CSMD1: variants seen among roughly 807,000 people sequenced by gnomAD.
The protein encoded by CSMD1 is CUB and sushi domain-containing protein 1.
In CSMD1, 213 loss-of-function variants were observed where a neutral mutation model predicts 417.5. That is an observed-to-expected ratio of 0.51 (90% CI 0.46 to 0.57). The LOEUF is 0.57. Among genes scored for constraint, CSMD1 ranks in the 20% least tolerant of loss-of-function variants. The pLI is 0.00. For missense variants in CSMD1, 6,923 were observed against 4,529.7 expected, an observed-to-expected ratio of 1.53 and a Z score of -15.17; for synonymous variants, 2,862 against 1,736.8, an observed-to-expected ratio of 1.65 and a Z score of -16.11.
intron 1 of CSMD1, among the ~76,000 whole-genome samples, chr8:4,810,941 G>A (rs949318375): frequency 1.3e-5 from 2 of 152,060 alleles, no homozygotes; most frequent in Non-Finnish European, 2.9e-5. Flanking sequence ...TTAAAGAATG[G>A]CATAAAATAG....
chr8:4,799,666 G>A (rs1018580439), intron 1 of CSMD1, among the ~76,000 whole-genome samples: 3 of 143,396 alleles, frequency 2.1e-5, no homozygotes, highest in East Asian at 2.1e-4. Flanking sequence ...CTGAAAAATT[G>A]GGACTTTATT....
At chr8:3,086,954 G>A (rs1814573297) in intron 49 of CSMD1, 143 bp downstream of exon 49, 5 of 756,816 alleles carry the variant, frequency 6.6e-6, no homozygotes, top group Non-Finnish European at 1.1e-5. Context: ...GCCACTAGAA[G>A]GTTTAATTCG....
chr8:3,281,327 C>A (rs550553976), intron 26 of CSMD1, among the ~76,000 whole-genome samples: 5 of 151,946 alleles, frequency 3.3e-5, no homozygotes, highest in Non-Finnish European at 5.9e-5. Flanking sequence ...GCTTGTAATC[C>A]CAGCTACTCG....
intron 2 of CSMD1, among the ~76,000 whole-genome samples, chr8:4,427,267 T>A (rs1797613220): frequency 6.6e-6 from 1 of 152,154 alleles, no homozygotes; most frequent in South Asian, 2.1e-4. Context: ...AGAGATCACT[T>A]GAGTTATGTG....
intron 7 of CSMD1, among the ~76,000 whole-genome samples, chr8:3,638,592 T>A (rs1380960925): frequency 1.3e-5 from 2 of 152,074 alleles, no homozygotes; most frequent in Admixed American, 6.6e-5. Flanking sequence ...CTGGAAAGGG[T>A]CAGAATGTGC....
Position 4,031,599 on chromosome 8 carries a change from C to T in CSMD1, c.610+306G>A, listed in dbSNP as rs140008115. 2.3e-3 allele frequency among the ~76,000 whole-genome samples: 344 copies of T among 152,198 alleles called. 2 individuals are homozygous for T. Among genetic ancestry groups the T allele is most frequent in the African/African-American group, 7.8e-3 (323 of 41,540 alleles). On this transcript the variant is annotated intron_variant, in intron 4 of 69. Transcript: ENST00000635120. ...GCTAAATCATATCAGAAGTCATAAA[C>T]TTGCTATTGACTTTATGTGGTCCAA...
intron 3 of CSMD1, among the ~76,000 whole-genome samples, chr8:4,150,837 A>G (rs1465156614): frequency 2.6e-5 from 4 of 152,050 alleles, no homozygotes; most frequent in East Asian, 3.9e-4. Context: ...GGGACAGAAT[A>G]ACCTTAACAA....
intron 3 of CSMD1, among the ~76,000 whole-genome samples, chr8:4,288,646 C>G (rs116908435): frequency 5.3e-5 from 8 of 152,124 alleles, no homozygotes; most frequent in African/African-American, 1.7e-4. Context: ...CCAACTCTGC[C>G]GCCCTCCCCA....
intron 5 of CSMD1, among the ~76,000 whole-genome samples, chr8:3,825,979 C>A (rs1339696882): frequency 6.6e-6 from 1 of 152,186 alleles, no homozygotes; most frequent in Non-Finnish European, 1.5e-5. Flanking sequence ...TGGCTTTCAG[C>A]AGGATCGTAT....
intron 2 of CSMD1, among the ~76,000 whole-genome samples, chr8:4,620,638 T>C (rs1355096239): frequency 6.6e-6 from 1 of 151,872 alleles, no homozygotes; most frequent in East Asian, 1.9e-4. Context: ...TATGAAATCA[T>C]ACAACATGCT....
intron 11 of CSMD1, among the ~76,000 whole-genome samples, chr8:3,491,936 G>A (rs540759553): frequency 3.9e-5 from 6 of 152,262 alleles, no homozygotes; most frequent in Non-Finnish European, 5.9e-5. Context: ...CTGAGGATCC[G>A]GAGGCTTGCT....
intron 7 of CSMD1, among the ~76,000 whole-genome samples, chr8:3,690,089 T>C (rs1800156576): frequency 6.6e-6 from 1 of 152,212 alleles, no homozygotes; most frequent in South Asian, 2.1e-4. Flanking sequence ...CTGCGCGTAG[T>C]GGCCAACATC....
intron 1 of CSMD1, among the ~76,000 whole-genome samples, chr8:4,805,749 T>A (rs544379762): frequency 6.6e-6 from 1 of 152,188 alleles, no homozygotes. Flanking sequence ...CCAGACCCTG[T>A]CATATTCCAT....
chr8:4,927,258 A>G (rs1806934047), intron 1 of CSMD1, among the ~76,000 whole-genome samples: 1 of 151,918 alleles, frequency 6.6e-6, no homozygotes, highest in Non-Finnish European at 1.5e-5. Context: ...GGGTTTCACC[A>G]TCTTGGCTAG....
rs545055914 is a variant in CSMD1, at chr8:3,637,923, G to A, written c.1010-21126C>T. 1.1e-4 allele frequency among the ~76,000 whole-genome samples: 16 copies of A among 152,146 alleles called. 1 individual carries two copies. The highest frequency in any genetic ancestry group is 2.1e-4 in the South Asian group (1 of 4,826). ...CCCTGCCCACACTCTCTTGATTGCC[G>A]CCATGTAAGACATGACTTTGGTTCT... On this transcript the variant is annotated intron_variant, in intron 7 of 69. Transcript: ENST00000635120.
chr8:4,570,610 T>G (rs1378542260), intron 2 of CSMD1, among the ~76,000 whole-genome samples: 1 of 152,172 alleles, frequency 6.6e-6, no homozygotes, highest in Non-Finnish European at 1.5e-5. Context: ...TTTTCTTTTT[T>G]TATTGTGTCT....
intron 1 of CSMD1, among the ~76,000 whole-genome samples, chr8:4,888,509 G>A (rs924740103): frequency 2.0e-5 from 3 of 149,982 alleles, no homozygotes; most frequent in African/African-American, 7.3e-5. Context: ...ATAGATGAGA[G>A]AGAGAGAGAG....
At chr8:4,872,028 A>G (rs1268334537) in intron 1 of CSMD1, among the ~76,000 whole-genome samples, 1 of 152,126 alleles carries the variant, frequency 6.6e-6, no homozygotes, top group African/African-American at 2.4e-5. Context: ...CAAAATCCTC[A>G]TGGCTCCTGC....
At chr8:4,343,977 G>A (rs543655115) in intron 3 of CSMD1, among the ~76,000 whole-genome samples, 10 of 152,078 alleles carry the variant, frequency 6.6e-5, no homozygotes, top group Non-Finnish European at 1.2e-4. Context: ...ATAAATTCTA[G>A]TAAAGCCATT....
Sources: allele counts gnomAD v4.1 joint callset (sites outside exome capture counted in the v4.1 genomes callset), GRCh38; gene constraint gnomAD v4.1.1; transcripts MANE v1.5; gene names NCBI Gene and HGNC (gene_info 2026-07-23, HGNC 2026-07-21).